Variants in FBN2 observed in about 807,000 individuals in gnomAD.
FBN2 encodes fibrillin 2, also known as fibrillin-2.
In FBN2, 105 loss-of-function variants were observed where a neutral mutation model predicts 355.6. The observed-to-expected ratio is 0.30, with a 90% confidence interval of 0.25 to 0.35. The LOEUF (loss-of-function observed/expected upper bound fraction) is 0.35. Ranked by LOEUF, FBN2 falls within the 10% of genes least tolerant of loss-of-function variation. The pLI, the probability that FBN2 is intolerant of heterozygous loss-of-function variation, is 1.00. For missense variants in FBN2, 3,280 were observed against 3,758.7 expected (o/e 0.87, Z 3.33); for synonymous variants, 1,350 against 1,301.2 (o/e 1.04, Z -0.81).
At chr5:128,433,901 A>T (rs1036938039) in intron 7 of FBN2, among the ~76,000 whole-genome samples, 1 of 152,204 alleles carries the variant, frequency 6.6e-6, no homozygotes, top group Non-Finnish European at 1.5e-5. Context: ...ATAAAAACAT[A>T]GCAACTCACT....
chr5:128,260,124 GT>G (rs918208349), intron 64 of FBN2, among the ~76,000 whole-genome samples: 10 of 151,842 alleles, frequency 6.6e-5, no homozygotes, highest in Middle Eastern at 3.4e-3. Flanking sequence ...CCCATTTCAA[GT>G]TTTTTTTGAT....
At chr5:128,488,778 A>G (rs1339776556) in intron 5 of FBN2, among the ~76,000 whole-genome samples, 2 of 150,696 alleles carry the variant, frequency 1.3e-5, no homozygotes, top group African/African-American at 4.9e-5. Flanking sequence ...GCGATAGTTT[A>G]CTGAGAATGA....
Position 128,338,923 on chromosome 5 carries a change from C to G in FBN2, c.3472+10G>C. On this transcript the variant is annotated intron_variant, in intron 26 of 64. Transcript: ENST00000262464. ...TTTCAAGCTGGCGAGGAAGAGCTCA[C>G]GGTGCTTACCCATGCAGTTCTTCAT... 6.2e-7 allele frequency: 1 copy of G among 1,613,562 alleles called. No homozygotes were observed. Among genetic ancestry groups the G allele is most frequent in the South Asian group, 1.1e-5 (1 of 91,068 alleles).
At position 128,322,566 on chromosome 5, in the gene FBN2, T is replaced by G. The variant is rs909687368; in HGVS notation, c.4472-3565A>C. Among the ~76,000 whole-genome samples the G allele has an allele frequency of 3.9e-5, 6 of 152,250 alleles. No homozygotes were observed. The South Asian group carries it at 1.2e-3, about 32-fold the overall frequency. ...AATCCTCTCCCCATTGCTTGTTTTT[T>G]TCAGGTTTGTCAAAGATCAGATGGT... On this transcript the variant is annotated intron_variant, in intron 34 of 64. Transcript: ENST00000262464.
rs1160619189 is a variant in FBN2, at chr5:128,393,333, T to C, written c.1267A>G (p.Met423Val). The C allele has an allele frequency of 3.7e-6, 6 of 1,614,032 alleles. No homozygotes were observed. Among genetic ancestry groups the C allele is most frequent in the Admixed American group, 3.3e-5 (2 of 60,004 alleles). Reference protein sequence around the residue: ...YRRLCMDGLPMGGIPGSAGSR... With the variant: ...YRRLCMDGLPVGGIPGSAGSR... ...CCAGCACTCCCTGGAATTCCTCCCATTGGAAGTCCATCCATGCAAAGTCTG... is the reference window on the plus strand; with the variant it reads ...CCAGCACTCCCTGGAATTCCTCCCACTGGAAGTCCATCCATGCAAAGTCTG... Residue 423 changes from methionine to valine, a missense_variant, in exon 10 of 65, where the codon ATG becomes GTG. Physicochemically the swap from Met to Val is conservative, Grantham distance 21. Coordinates refer to ENST00000262464, the MANE Select transcript of FBN2 (RefSeq NM_001999.4).
At chr5:128,452,731 T>C (rs1335293632) in intron 6 of FBN2, among the ~76,000 whole-genome samples, 1 of 152,166 alleles carries the variant, frequency 6.6e-6, no homozygotes, top group Non-Finnish European at 1.5e-5. Flanking sequence ...TGCTTTTTCT[T>C]TTCAATTTTT....
chr5:128,335,706 T>G (rs1350623634), intron 28 of FBN2, 129 bp from the exon 29 acceptor site: 1 of 1,144,290 alleles, frequency 8.7e-7, no homozygotes, highest in Non-Finnish European at 1.3e-6. Flanking sequence ...TTGAACATTA[T>G]CTTTCTTAGT....
At chr5:128,486,217 GTTC>G (rs1349979562) in intron 5 of FBN2, among the ~76,000 whole-genome samples, 1 of 152,056 alleles carries the variant, frequency 6.6e-6, no homozygotes, top group Non-Finnish European at 1.5e-5. Context: ...ACAAAACACA[GTTC>G]TTCTTATAAA....
rs27713 is a variant in FBN2, at chr5:128,305,091, G to C, written c.5675-9C>G. 1 of 1,576,442 alleles carries C rather than the reference G, an allele frequency of 6.3e-7. No individual in the cohort carries two copies. The highest frequency in any genetic ancestry group is 1.1e-5 in the South Asian group (1 of 89,444). On this transcript the variant is annotated splice_polypyrimidine_tract_variant and intron_variant, in intron 44 of 64. Transcript: ENST00000262464. ...TAAACATTCATTGCGATCTAAAACAGAAAAAAATAAATGTTACATGTATCT... is the reference window on the plus strand; with the variant it reads ...TAAACATTCATTGCGATCTAAAACACAAAAAAATAAATGTTACATGTATCT...
intron 47 of FBN2, among the ~76,000 whole-genome samples, 155 bp downstream of exon 47, chr5:128,301,227 C>T (rs1032849785): frequency 6.6e-6 from 1 of 152,140 alleles, no homozygotes; most frequent in Non-Finnish European, 1.5e-5. Flanking sequence ...ATTGTTGATA[C>T]CTTATACTAA....
intron 48 of FBN2, 126 bp downstream of exon 48, chr5:128,300,691 A>G: frequency 2.2e-6 from 2 of 925,840 alleles, no homozygotes; most frequent in Non-Finnish European, 3.6e-6. Flanking sequence ...AGATGTAGGC[A>G]GCTATATGTT....
Position 128,537,836 on chromosome 5 carries a change from GGCGGAGGTGCA to G in FBN2, c.-244_-234del, listed in dbSNP as rs1262199198. 1 of 597,110 alleles carries G rather than the reference GGCGGAGGTGCA, an allele frequency of 1.7e-6. No homozygotes were observed. Among genetic ancestry groups the G allele is most frequent in the African/African-American group, 1.9e-5 (1 of 53,344 alleles). 37.0% of individuals were successfully genotyped at this position (597,110 alleles called of 1,614,324 possible). The stretch of plus-strand genomic sequence containing the variant: ...TCTAGCGCAGTGAGCGGCGAGGCGC[GGCGGAGGTGCA>G]GCCGGCAGCCCCGAGCGGTACACGT... On this transcript the variant is annotated 5_prime_UTR_variant, in exon 1 of 65. An upstream open reading frame in the 5' UTR loses its in-frame stop. Coordinates refer to ENST00000262464, the MANE Select transcript of FBN2 (RefSeq NM_001999.4).
At chr5:128,408,551 C>A (rs2126999808) in intron 8 of FBN2, 123 bp downstream of exon 8, 4 of 1,168,684 alleles carry the variant, frequency 3.4e-6, no homozygotes, top group Non-Finnish European at 5.1e-6. Flanking sequence ...GTACCGTTTA[C>A]ATTAAACAAC....
intron 54 of FBN2, 43 bp from the exon 55 acceptor site, chr5:128,286,892 G>C (rs182353791): frequency 6.3e-7 from 1 of 1,589,822 alleles, no homozygotes; most frequent in Admixed American, 1.7e-5. Flanking sequence ...GGAGCAAGCT[G>C]TAGTTTAGTA....
chr5:128,341,647 T>G (rs1027933529), intron 25 of FBN2, among the ~76,000 whole-genome samples: 7 of 152,210 alleles, frequency 4.6e-5, no homozygotes, highest in African/African-American at 1.7e-4. Flanking sequence ...GCCATCCCAG[T>G]TCCAGAACTC....
At chr5:128,423,733 T>A (rs1389485765) in intron 7 of FBN2, among the ~76,000 whole-genome samples, 1 of 152,086 alleles carries the variant, frequency 6.6e-6, no homozygotes, top group Non-Finnish European at 1.5e-5. Flanking sequence ...GAATGGGAGA[T>A]CCACATAGGA....
chr5:128,425,085 T>C (rs187003088), intron 7 of FBN2, among the ~76,000 whole-genome samples: 1 of 152,096 alleles, frequency 6.6e-6, no homozygotes, highest in Admixed American at 6.6e-5. Flanking sequence ...AGTGGAAGTA[T>C]TTTGTCACCT....
At position 128,393,160 on chromosome 5, in the gene FBN2, T is replaced by C. The variant is rs1355807836; in HGVS notation, c.1440A>G (p.Gly480=). The C allele has an allele frequency of 6.2e-7, 1 of 1,613,920 alleles. No homozygotes were observed. The highest frequency in any genetic ancestry group is 1.1e-5 in the South Asian group (1 of 91,076). ...TTAGTCCAGTGATGATAGGTCCCTG[T>C]CCCCCGGCCCCCACACCGGCTCCCC... is the stretch of plus-strand genomic sequence containing the variant. ...GVGGAGVGAG[G]QGPIITGLTI... is the part of the protein sequence containing the mutation. The change falls in exon 10 of 65, where the codon GGA becomes GGG. Residue 480 remains glycine, a synonymous_variant. Transcript: ENST00000262464.
At chr5:128,393,003 G>A (rs536325643) in intron 10 of FBN2, 132 bp downstream of exon 10, 39 of 764,404 alleles carry the variant, frequency 5.1e-5, no homozygotes, top group East Asian at 2.3e-4. Flanking sequence ...TCTCTCTCTC[G>A]CACCCACAAA....
Sources: allele counts gnomAD v4.1 joint callset (sites outside exome capture counted in the v4.1 genomes callset), GRCh38; gene constraint gnomAD v4.1.1; transcripts MANE v1.5; gene names NCBI Gene and HGNC (gene_info 2026-07-23, HGNC 2026-07-21).